Variants in SMTN observed in about 807,000 individuals in gnomAD.
SMTN encodes smoothelin.
Under a neutral mutation model 102.0 loss-of-function variants are expected in SMTN, and 58 were observed. The ratio of observed to expected loss-of-function variants is 0.57; its 90% confidence interval spans 0.46 to 0.71. The LOEUF is 0.71. Ranked by LOEUF, SMTN falls within the 30% of genes least tolerant of loss-of-function variation. The pLI is 0.00. For synonymous variants in SMTN, 478 were observed against 497.9 expected (o/e 0.96, Z 0.53); for missense variants, 1,185 against 1,241.7 (o/e 0.95, Z 0.69).
At chr22:31,100,754 GTGTGTGTGTA>G in intron 19 of SMTN, 121 bp from the exon 20 acceptor site, 1 of 616,210 alleles carries the variant, frequency 1.6e-6, no homozygotes, top group Non-Finnish European at 2.9e-6. Flanking sequence ...GTCTCTGTGT[GTGTGTGTGTA>G]TGTGTGTGTG....
intron 1 of SMTN, among the ~76,000 whole-genome samples, chr22:31,082,000 G>A (rs1251251199): frequency 6.6e-6 from 1 of 152,106 alleles, no homozygotes; most frequent in Non-Finnish European, 1.5e-5. Context: ...GATGGGAGGG[G>A]GAACAAGCAG....
upstream of SMTN, among the ~76,000 whole-genome samples, chr22:31,079,552 G>A (rs954256942): frequency 6.6e-6 from 1 of 152,254 alleles, no homozygotes; most frequent in Non-Finnish European, 1.5e-5. Context: ...GCCTAGGTGT[G>A]CCCTGCATGA....
At chr22:31,098,502 C>T (rs1430722202) in intron 16 of SMTN, among the ~76,000 whole-genome samples, 165 bp from the exon 17 acceptor site, 1 of 152,120 alleles carries the variant, frequency 6.6e-6, no homozygotes, top group Non-Finnish European at 1.5e-5. Flanking sequence ...ACTCAGTGTA[C>T]TCCTCTAAAA....
At chr22:31,098,865 AG>A in intron 17 of SMTN, 25 bp downstream of exon 17, 1 of 1,367,502 alleles carries the variant, frequency 7.3e-7, no homozygotes, top group Non-Finnish European at 1.0e-6. Context: ...TGGGCTGGGC[AG>A]TGGGGGGCGG....
At chr22:31,100,833 C>A in intron 19 of SMTN, 52 bp from the exon 20 acceptor site, 1 of 861,052 alleles carries the variant, frequency 1.2e-6, no homozygotes. Flanking sequence ...ACCCGGGGCC[C>A]TGGCCTCCTG....
In SMTN at chr22:31,083,342, G is replaced by A. The variant is rs116360006; in HGVS notation, c.51+33G>A. On this transcript the variant is annotated intron_variant, in intron 2 of 20. Coordinates refer to ENST00000333137, the MANE Select transcript of SMTN (RefSeq NM_134269.3). ...GCCCCATCACCCACTGTGGGGACAG[G>A]AAAGCCAAGCCAGAGAGGCAGGGTC... 2.7e-3 allele frequency: 4,082 copies of A among 1,517,038 alleles called. 98 individuals are homozygous for A. In the African/African-American group the frequency reaches 0.051, roughly 19 times the overall value. 94.0% of individuals were successfully genotyped at this position (1,517,038 alleles called of 1,614,324 possible). A position where few individuals can be genotyped will look rare whatever the true frequency, so the allele number is the denominator to read the frequency against.
intron 2 of SMTN, among the ~76,000 whole-genome samples, chr22:31,086,349 T>C (rs2042700992): frequency 6.6e-6 from 1 of 152,216 alleles, no homozygotes; most frequent in Non-Finnish European, 1.5e-5. Flanking sequence ...GCAAATCACA[T>C]GTCCTCCCTG....
intron 2 of SMTN, chr22:31,083,564 G>C (rs983922684): frequency 2.7e-5 from 11 of 414,862 alleles, no homozygotes; most frequent in East Asian, 1.8e-4. Flanking sequence ...AGTAACTGCT[G>C]TAGACTCGCC....
intron 20 of SMTN, chr22:31,103,592 C>T (rs1007669296): frequency 6.6e-6 from 1 of 152,564 alleles, no homozygotes; most frequent in African/African-American, 2.4e-5. Context: ...CTGTGAAGGG[C>T]AGCTAGCATT....
chr22:31,096,716 G>T lies in SMTN; in HGVS notation c.1862-17G>T. 6.6e-7 allele frequency: 1 copy of T among 1,521,528 alleles called. No homozygotes were observed. Among genetic ancestry groups the T allele is most frequent in the South Asian group, 1.3e-5 (1 of 78,330 alleles). The allele number at this position is 1,521,528 out of a possible 1,614,324, so 94.3% of individuals were successfully genotyped here. On this transcript the variant is annotated splice_polypyrimidine_tract_variant and intron_variant, in intron 13 of 20. Coordinates refer to ENST00000333137, the MANE Select transcript of SMTN (RefSeq NM_134269.3). Reference sequence around the variant, plus strand: ...TTGGTGGCCCTTTTGCGCATGCATGGGGCATCCCCTGCCCAGACCAGCGGG... The same window carrying T: ...TTGGTGGCCCTTTTGCGCATGCATGTGGCATCCCCTGCCCAGACCAGCGGG...
At chr22:31,090,699 G>T (rs887987944) in intron 8 of SMTN, 109 bp from the exon 9 acceptor site, 9 of 882,254 alleles carry the variant, frequency 1.0e-5, no homozygotes, top group Admixed American at 1.8e-5. Flanking sequence ...ACAGGAAAGG[G>T]TGGGAAGCTA....
At chr22:31,068,453 C>T (rs1340812972) in intron 1 of SMTN, 1 of 152,058 alleles carries the variant, frequency 6.6e-6, no homozygotes, top group Non-Finnish European at 1.5e-5. Flanking sequence ...ACCTGAGGCT[C>T]CTTTCTGAGC....
chr22:31,074,657 G>T (rs2042085587), intron 1 of SMTN, among the ~76,000 whole-genome samples: 2 of 152,010 alleles, frequency 1.3e-5, no homozygotes, highest in Non-Finnish European at 2.9e-5. Context: ...AGGCGTGGTG[G>T]TGCACACCAG....
chr22:31,101,096 C>G, intron 20 of SMTN, 47 bp downstream of exon 20: 1 of 1,532,700 alleles, frequency 6.5e-7, no homozygotes, highest in Non-Finnish European at 8.8e-7. Flanking sequence ...CCAGAATCTG[C>G]TCAGCAAGGC....
Position 31,088,113 on chromosome 22 carries a change from A to G in SMTN, c.200A>G (p.His67Arg), listed in dbSNP as rs1355980239. 1 of 1,596,696 alleles carries G rather than the reference A, an allele frequency of 6.3e-7. No individual in the cohort carries two copies. Residue 67 changes from histidine (H) to arginine (R), a missense_variant and splice_region_variant, in exon 3 of 21, where the codon CAC becomes CGC. Physicochemically the swap from His to Arg is conservative, Grantham distance 29. Transcript: ENST00000333137. ...CAGGACAACAAGGAGAACTGGCTGCAGTGAGTAGCGGGGGGTGGAACATGC... is the reference window on the plus strand; with the variant it reads ...CAGGACAACAAGGAGAACTGGCTGCGGTGAGTAGCGGGGGGTGGAACATGC... ...ERQDNKENWL[H>R]SQQREAEQRA...
Position 31,095,853 on chromosome 22 carries a change from C to G in SMTN, c.1861+244C>G. 3.5e-6 allele frequency: 2 copies of G among 570,050 alleles called. No individual in the cohort carries two copies. The allele number at this position is 570,050 out of a possible 1,614,324, so 35.3% of individuals were successfully genotyped here. A position where few individuals can be genotyped will look rare whatever the true frequency, so the allele number is the denominator to read the frequency against. On this transcript the variant is annotated intron_variant, in intron 13 of 20. Transcript: ENST00000333137. This position sits in a 1 kb window ranked among gnomAD's most constrained non-coding sequence, Gnocchi z 4.1. ...ACCAGCTTCTCTTCTCCTTCCTAGA[C>G]CCAGATACTCCCTCCCGCAGCTACT...
chr22:31,064,832 C>T (rs1429558122), intron 1 of SMTN: 2 of 152,202 alleles, frequency 1.3e-5, no homozygotes, highest in African/African-American at 4.8e-5. Flanking sequence ...GAACATCTTA[C>T]CTCACCTTAG....
At chr22:31,084,507 G>A (rs1482549968) in intron 2 of SMTN, among the ~76,000 whole-genome samples, 2 of 152,186 alleles carry the variant, frequency 1.3e-5, no homozygotes, top group Non-Finnish European at 2.9e-5. Context: ...CAGCCTGGAG[G>A]GGATGAGGTT....
intron 20 of SMTN, chr22:31,104,018 G>T (rs1221632920): frequency 9.5e-6 from 4 of 422,990 alleles, no homozygotes; most frequent in Non-Finnish European, 1.7e-5. Context: ...GGCAGGGTTT[G>T]GAGCCAGCAC....
Sources: allele counts gnomAD v4.1 joint callset (sites outside exome capture counted in the v4.1 genomes callset), GRCh38; gene constraint gnomAD v4.1.1; non-coding constraint Gnocchi (gnomAD v3.1); transcripts MANE v1.5; gene names NCBI Gene and HGNC (gene_info 2026-07-23, HGNC 2026-07-21).